Variants in SEMA6D observed in about 807,000 individuals in gnomAD.
SEMA6D encodes the protein semaphorin 6D.
SEMA6D carries 35 observed loss-of-function variants against 106.6 expected under a neutral mutation model. That is an observed-to-expected ratio of 0.33 (90% CI 0.25 to 0.44). The LOEUF (loss-of-function observed/expected upper bound fraction) is 0.44, where lower values mean the gene tolerates loss of function less well. Among genes scored for constraint, SEMA6D ranks in the 20% least tolerant of loss-of-function variants. The pLI, the probability that SEMA6D is intolerant of heterozygous loss-of-function variation, is 1.00. For synonymous variants in SEMA6D, 499 were observed against 487.7 expected, an observed-to-expected ratio of 1.02 and a Z score of -0.31; for missense variants, 1,185 against 1,345.9, an observed-to-expected ratio of 0.88 and a Z score of 1.87.
upstream of SEMA6D, among the ~76,000 whole-genome samples, chr15:47,714,953 C>T (rs148709801): frequency 1.6e-4 from 25 of 152,216 alleles, no homozygotes; most frequent in East Asian, 3.1e-3. Flanking sequence ...TAAGGAGTGT[C>T]GAGTGGGGAA....
chr15:47,664,146 C>T (rs2077980474), intron 4 of SEMA6D, among the ~76,000 whole-genome samples: 1 of 152,132 alleles, frequency 6.6e-6, no homozygotes, highest in South Asian at 2.1e-4. Flanking sequence ...ACTGCAGATA[C>T]CATTATTTAT....
chr15:47,444,424 T>C (rs1409987690), intron 2 of SEMA6D, among the ~76,000 whole-genome samples: 1 of 152,080 alleles, frequency 6.6e-6, no homozygotes, highest in Non-Finnish European at 1.5e-5. Flanking sequence ...AGGTTTTCTT[T>C]AACTAAGTTA....
intron 1 of SEMA6D, among the ~76,000 whole-genome samples, chr15:47,278,883 T>G (rs2034965933): frequency 6.8e-6 from 1 of 147,210 alleles, no homozygotes. Flanking sequence ...CCTTTCCCCA[T>G]TGCTTGTTTT....
At chr15:47,761,849 C>T (rs1433345506) in intron 7 of SEMA6D, 98 bp downstream of exon 7, 2 of 1,030,630 alleles carry the variant, frequency 1.9e-6, no homozygotes, top group African/African-American at 3.2e-5. Flanking sequence ...TGGATACCCA[C>T]CTTGATCTAA....
chr15:47,184,584 G>A (rs1432554416), intron 1 of SEMA6D, among the ~76,000 whole-genome samples: 1 of 151,988 alleles, frequency 6.6e-6, no homozygotes, highest in East Asian at 2.0e-4. Flanking sequence ...GCAGAGACCC[G>A]ACCGCGAGGC....
intron 1 of SEMA6D, among the ~76,000 whole-genome samples, chr15:47,288,895 T>C (rs941817867): frequency 1.3e-5 from 2 of 152,308 alleles, no homozygotes; most frequent in Admixed American, 6.5e-5. Flanking sequence ...GGGAGCATAC[T>C]AATGCTTCCT....
At chr15:47,704,372 C>A (rs2078873011) in intron 4 of SEMA6D, among the ~76,000 whole-genome samples, 1 of 152,118 alleles carries the variant, frequency 6.6e-6, no homozygotes, top group Non-Finnish European at 1.5e-5. Context: ...TTAATGTATA[C>A]CATCACTTTA....
intron 1 of SEMA6D, chr15:47,359,480 A>G (rs1428072184): frequency 6.6e-6 from 1 of 152,202 alleles, no homozygotes; most frequent in Non-Finnish European, 1.5e-5. Flanking sequence ...GCGACAGAGT[A>G]GGGATTCCTC....
rs375750508 is a variant in SEMA6D, at chr15:47,444,477, G to C, written c.-158-25997G>C. 2.6e-3 allele frequency among the ~76,000 whole-genome samples: 259 copies of C among 99,250 alleles called. 1 individual carries two copies. The highest frequency in any genetic ancestry group is 6.4e-3 in the African/African-American group (219 of 33,986). The allele number at this position is 99,250 out of a possible 152,430, so 65.1% of individuals were successfully genotyped here. On this transcript the variant is annotated intron_variant, in intron 2 of 19. Coordinates refer to the SEMA6D transcript ENST00000558014. Reference sequence around the variant, plus strand: ...CCCGGATAAGATTTCAAGGATGAAGGCTGCTTTGCTCCCTCAGTCCTTTGA... The same window carrying C: ...CCCGGATAAGATTTCAAGGATGAAGCCTGCTTTGCTCCCTCAGTCCTTTGA...
chr15:47,533,661 A>T (rs1430047376), intron 3 of SEMA6D, among the ~76,000 whole-genome samples: 1 of 152,176 alleles, frequency 6.6e-6, no homozygotes. Context: ...GTGTTGCCAA[A>T]GCTGCACCCC....
chr15:47,529,695 T>A (rs1264372804), intron 3 of SEMA6D, among the ~76,000 whole-genome samples: 2 of 152,020 alleles, frequency 1.3e-5, no homozygotes, highest in Non-Finnish European at 2.9e-5. Flanking sequence ...TAGTGATGGC[T>A]CCACTAGCCC....
At chr15:47,667,439 A>G (rs1315780069) in intron 4 of SEMA6D, among the ~76,000 whole-genome samples, 1 of 152,194 alleles carries the variant, frequency 6.6e-6, no homozygotes, top group Non-Finnish European at 1.5e-5. Context: ...TGGGCTGGAG[A>G]AAATACATTC....
At chr15:47,403,903 AG>A (rs778528540) in intron 1 of SEMA6D, among the ~76,000 whole-genome samples, 3 of 152,184 alleles carry the variant, frequency 2.0e-5, no homozygotes, top group Non-Finnish European at 4.4e-5. Context: ...TGGACTGACA[AG>A]GATAACCTTT....
intron 3 of SEMA6D, among the ~76,000 whole-genome samples, chr15:47,508,363 CAGTATGGTTTGTGATA>C (rs2044119325): frequency 2.0e-5 from 3 of 152,120 alleles, no homozygotes; most frequent in African/African-American, 7.2e-5. Flanking sequence ...GCAAAATGTT[CAGTATGGTTTGTGATA>C]AGAAACTAAA....
At chr15:47,711,012 A>G (rs1040860804) in intron 4 of SEMA6D, among the ~76,000 whole-genome samples, 3 of 152,210 alleles carry the variant, frequency 2.0e-5, no homozygotes, top group Non-Finnish European at 2.9e-5. Flanking sequence ...AGTTTGTTGT[A>G]AAAATGTATA....
chr15:47,622,337 T>A (rs1490067252), intron 4 of SEMA6D, among the ~76,000 whole-genome samples: 4 of 152,234 alleles, frequency 2.6e-5, no homozygotes, highest in African/African-American at 9.6e-5. Context: ...AAGCTGAAAT[T>A]CTGTCTGATT....
intron 8 of SEMA6D, among the ~76,000 whole-genome samples, chr15:47,762,541 CA>C (rs973529185): frequency 2.9e-4 from 42 of 144,208 alleles, no homozygotes; most frequent in South Asian, 8.9e-4. Context: ...TAGGTGACCT[CA>C]AAAAAAAAAG....
At chr15:47,271,561 A>C (rs2142274480) in intron 1 of SEMA6D, among the ~76,000 whole-genome samples, 1 of 152,286 alleles carries the variant, frequency 6.6e-6, no homozygotes, top group South Asian at 2.1e-4. Context: ...GAAGATAATA[A>C]ACATCCTGAG....
intron 1 of SEMA6D, among the ~76,000 whole-genome samples, chr15:47,211,169 C>T (rs568607673): frequency 6.6e-6 from 1 of 152,240 alleles, no homozygotes; most frequent in East Asian, 1.9e-4. Flanking sequence ...TACTCTCTCT[C>T]TATTTTTTAT....
Sources: gnomAD v4.1 joint callset for allele counts (sites outside exome capture counted in the v4.1 genomes callset) on GRCh38, gnomAD v4.1.1 for gene constraint, MANE v1.5 for transcripts, NCBI Gene and HGNC (gene_info 2026-07-23, HGNC 2026-07-21) for gene names.